INPP4B: variants seen among roughly 807,000 people sequenced by gnomAD.
INPP4B encodes the protein inositol polyphosphate-4-phosphatase type II B.
INPP4B carries 55 observed loss-of-function variants against 122.5 expected under a neutral mutation model. That is an observed-to-expected ratio of 0.45 (90% CI 0.36 to 0.56). INPP4B has a LOEUF of 0.56. Ranked by LOEUF, INPP4B falls within the 20% of genes least tolerant of loss-of-function variation. The pLI is 0.00. For synonymous variants in INPP4B, 403 were observed against 388.7 expected, an observed-to-expected ratio of 1.04 and a Z score of -0.43; for missense variants, 1,000 against 1,097.7, an observed-to-expected ratio of 0.91 and a Z score of 1.26.
intron 25 of INPP4B, among the ~76,000 whole-genome samples, chr4:142,062,760 A>AACAG (rs1560983740): frequency 6.9e-6 from 1 of 143,944 alleles, no homozygotes; most frequent in East Asian, 1.9e-4. Flanking sequence ...CAAACAAACA[A>AACAG]ACAAACAAAC....
At chr4:142,265,673 AAGGTTTACAAATAATCC>A (rs1185667894) in intron 10 of INPP4B, among the ~76,000 whole-genome samples, 1 of 152,222 alleles carries the variant, frequency 6.6e-6, no homozygotes, top group African/African-American at 2.4e-5. Context: ...AAAAAAGGTC[AAGGTTTACAAATAATCC>A]AGACAGGGCA....
At chr4:142,089,086 G>A (rs1230884248) in intron 23 of INPP4B, among the ~76,000 whole-genome samples, 1 of 152,192 alleles carries the variant, frequency 6.6e-6, no homozygotes, top group Non-Finnish European at 1.5e-5. Flanking sequence ...AACACGGAGT[G>A]TGCAGTTCAG....
intron 2 of INPP4B, among the ~76,000 whole-genome samples, chr4:142,683,421 G>A (rs1469043676): frequency 6.6e-6 from 1 of 151,832 alleles, no homozygotes; most frequent in Non-Finnish European, 1.5e-5. Flanking sequence ...AGGTTTCCAT[G>A]TGGAGGGAAA....
intron 15 of INPP4B, among the ~76,000 whole-genome samples, chr4:142,189,447 C>A (rs1834756991): frequency 6.6e-6 from 1 of 152,062 alleles, no homozygotes. Flanking sequence ...CAATGTATTA[C>A]AGAAACGGCA....
chr4:142,246,090 GTGTGTGTGTATACACACATATATATA>G (rs1561602111), intron 11 of INPP4B, among the ~76,000 whole-genome samples: 3 of 132,830 alleles, frequency 2.3e-5, no homozygotes, highest in African/African-American at 9.2e-5. Flanking sequence ...TTATATATAT[GTGTGTGTGTATACACACATATATATA>G]TGTGTATGTA....
intron 8 of INPP4B, 144 bp downstream of exon 8, chr4:142,314,568 T>A (rs11945996): frequency 1.4e-4 from 101 of 731,060 alleles, no homozygotes; most frequent in Non-Finnish European, 2.2e-4. Context: ...TCAGCAAATA[T>A]GTGACAGTGC....
chr4:142,108,313 T>C (rs1229171057), intron 22 of INPP4B, 123 bp from the exon 23 acceptor site: 1 of 659,878 alleles, frequency 1.5e-6, no homozygotes, highest in Non-Finnish European at 2.7e-6. Context: ...TGTCTCATTT[T>C]TCAAGCTACA....
chr4:142,602,858 G>T (rs982052958), intron 2 of INPP4B, among the ~76,000 whole-genome samples: 1 of 152,084 alleles, frequency 6.6e-6, no homozygotes, highest in Non-Finnish European at 1.5e-5. Context: ...TCCCATTACT[G>T]GGTATATACC....
chr4:142,374,564 G>A (rs1319478014), intron 7 of INPP4B, among the ~76,000 whole-genome samples: 2 of 151,824 alleles, frequency 1.3e-5, no homozygotes, highest in Non-Finnish European at 2.9e-5. Context: ...TATTCTACAT[G>A]AGTTTTTAAA....
chr4:142,308,345 C>T (rs1764217833), intron 8 of INPP4B, among the ~76,000 whole-genome samples: 1 of 152,038 alleles, frequency 6.6e-6, no homozygotes, highest in Admixed American at 6.5e-5. Flanking sequence ...TATTTGGGTA[C>T]CAATGCTATC....
rs1737544684 is a variant in INPP4B, at chr4:142,027,962, A to C, written c.*820T>G. Reference sequence around the variant, plus strand: ...CCTCACTGACATTCATGAACTTCACAACATAAAGTTCAGGCTGATGGGAAT... The same window carrying C: ...CCTCACTGACATTCATGAACTTCACCACATAAAGTTCAGGCTGATGGGAAT... On this transcript the variant is annotated 3_prime_UTR_variant, in exon 26 of 26. Transcript: ENST00000262992. The C allele has an allele frequency of 5.3e-6, 1 of 189,090 alleles. No individual in the cohort carries two copies. Among genetic ancestry groups the C allele is most frequent in the Non-Finnish European group, 1.1e-5 (1 of 89,890 alleles). The allele number at this position is 189,090 out of a possible 1,614,324, so 11.7% of individuals were successfully genotyped here.
At chr4:142,811,242 A>G (rs1779482134) in intron 1 of INPP4B, among the ~76,000 whole-genome samples, 1 of 152,172 alleles carries the variant, frequency 6.6e-6, no homozygotes, top group Non-Finnish European at 1.5e-5. Context: ...AGTGGCTATC[A>G]TTGCCTCAGA....
intron 3 of INPP4B, among the ~76,000 whole-genome samples, chr4:142,451,855 C>T (rs949807655): frequency 4.6e-5 from 7 of 152,130 alleles, no homozygotes; most frequent in African/African-American, 1.7e-4. Flanking sequence ...GTTATTCACT[C>T]GTTTCAAATT....
chr4:142,197,424 G>C (rs1838806128), intron 14 of INPP4B, among the ~76,000 whole-genome samples: 1 of 151,998 alleles, frequency 6.6e-6, no homozygotes, highest in Non-Finnish European at 1.5e-5. Context: ...GAATATTCCA[G>C]TCAGAATAAT....
At chr4:142,384,782 G>C (rs891627552) in intron 7 of INPP4B, among the ~76,000 whole-genome samples, 1 of 152,006 alleles carries the variant, frequency 6.6e-6, no homozygotes, top group African/African-American at 2.4e-5. Flanking sequence ...TTGTCACCCA[G>C]GTATTAAGCC....
intron 1 of INPP4B, among the ~76,000 whole-genome samples, chr4:142,804,149 G>T (rs12331053): frequency 6.6e-6 from 1 of 151,788 alleles, no homozygotes; most frequent in Non-Finnish European, 1.5e-5. Context: ...ATAGCTCATC[G>T]TGACCAGATA....
At chr4:142,749,352 A>G (rs937977900) in intron 1 of INPP4B, among the ~76,000 whole-genome samples, 3 of 149,342 alleles carry the variant, frequency 2.0e-5, no homozygotes, top group African/African-American at 7.3e-5. Flanking sequence ...AAAGTGGTCT[A>G]AACGTGTTCT....
At chr4:142,468,350 T>C (rs1341993763) in intron 2 of INPP4B, among the ~76,000 whole-genome samples, 1 of 152,110 alleles carries the variant, frequency 6.6e-6, no homozygotes, top group Non-Finnish European at 1.5e-5. Flanking sequence ...TGGGATATTA[T>C]AGCAAAGGCA....
At chr4:142,143,931 T>C (rs2152836751) in intron 18 of INPP4B, among the ~76,000 whole-genome samples, 1 of 152,050 alleles carries the variant, frequency 6.6e-6, no homozygotes, top group African/African-American at 2.4e-5. Flanking sequence ...TTAAAAAAAT[T>C]CTAACACAAG....
Sources: gnomAD v4.1 joint callset for allele counts (sites outside exome capture counted in the v4.1 genomes callset) on GRCh38, gnomAD v4.1.1 for gene constraint, MANE v1.5 for transcripts, NCBI Gene and HGNC (gene_info 2026-07-23, HGNC 2026-07-21) for gene names.